The following PCDHGC4 variants were observed in gnomAD, a reference collection of about 807,000 sequenced individuals.
The protein encoded by PCDHGC4 is protocadherin gamma subfamily C, 4, also known as protocadherin gamma-C4.
In PCDHGC4, 15 loss-of-function variants were observed where a neutral mutation model predicts 59.7. That is an observed-to-expected ratio of 0.25 (90% CI 0.17 to 0.39). PCDHGC4 has a LOEUF of 0.39. PCDHGC4 is among the 10% of genes least tolerant of loss of function. The pLI is 1.00. For missense variants in PCDHGC4, 1,016 were observed against 1,189.5 expected (o/e 0.85, Z 2.15); for synonymous variants, 434 against 481.4 (o/e 0.90, Z 1.29).
chr5:141,507,872 C>T (rs2099864458), intron 3 of PCDHGC4, among the ~76,000 whole-genome samples: 1 of 152,168 alleles, frequency 6.6e-6, no homozygotes, highest in African/African-American at 2.4e-5. Flanking sequence ...GCTTCCTAGC[C>T]CTGAAACCAG....
In PCDHGC4 at chr5:141,495,640, G is replaced by A. The variant is rs149177775; in HGVS notation, c.2501+775G>A. 1.2e-3 allele frequency among the ~76,000 whole-genome samples: 177 copies of A among 152,150 alleles called. 1 individual carries two copies. The highest frequency in any genetic ancestry group is 4.1e-3 in the African/African-American group (171 of 41,498). ...ACCTCAGCCTCAGTCCCTTTCATTT[G>A]TCTACTTGCATTGATCTGTGCCGCC... On this transcript the variant is annotated intron_variant, in intron 2 of 3. Transcript: ENST00000306593.
Position 141,487,945 on chromosome 5 carries a change from G to A in PCDHGC4, c.2442+330G>A, listed in dbSNP as rs2099669554. ...CAGTGCACAGGGTACAGTGCACCAG[G>A]CAGTCACTTGGACAAAGGTGGCTGT... On this transcript the variant is annotated intron_variant, in intron 1 of 3. Transcript: ENST00000306593. This position sits in a 1 kb window ranked among gnomAD's most constrained non-coding sequence, Gnocchi z 5.0. Among the ~76,000 whole-genome samples the A allele has an allele frequency of 6.6e-6, 1 of 152,198 alleles. No individual in the cohort carries two copies. Among genetic ancestry groups the A allele is most frequent in the Non-Finnish European group, 1.5e-5 (1 of 68,036 alleles).
At chr5:141,510,863 A>G in intron 3 of PCDHGC4, 84 bp from the exon 4 acceptor site, 1 of 1,607,492 alleles carries the variant, frequency 6.2e-7, no homozygotes, top group African/African-American at 1.3e-5. Flanking sequence ...CTGTATAGGC[A>G]TTCATTAACT....
chr5:141,500,554 C>A (rs2099801320), intron 2 of PCDHGC4, among the ~76,000 whole-genome samples: 1 of 152,212 alleles, frequency 6.6e-6, no homozygotes, highest in Admixed American at 6.5e-5. Context: ...AAGTTGTTCA[C>A]AAACTTGTCA....
rs141514361 is a variant in PCDHGC4, at chr5:141,494,629, A to G, written c.2443-178A>G. 4,666 of 858,664 alleles carry G rather than the reference A, an allele frequency of 5.4e-3. 23 individuals are homozygous for G. Among genetic ancestry groups the G allele is most frequent in the Admixed American group, 0.011 (170 of 16,094 alleles). 53.2% of individuals were successfully genotyped at this position (858,664 alleles called of 1,614,324 possible). On this transcript the variant is annotated intron_variant, in intron 1 of 3. Coordinates refer to ENST00000306593, the MANE Select transcript of PCDHGC4 (RefSeq NM_018928.3). ...TATCTCTTGGTTTCTGGTACCTCAGACCTCTGAGACCTGAGGTGTATTTTG... is the reference window on the plus strand; with the variant it reads ...TATCTCTTGGTTTCTGGTACCTCAGGCCTCTGAGACCTGAGGTGTATTTTG...
In PCDHGC4 at chr5:141,490,658, T is replaced by A. The variant is rs776806248; in HGVS notation, c.2442+3043T>A. The A allele has an allele frequency of 8.1e-6, 13 of 1,614,204 alleles. No homozygotes were observed. The South Asian group carries it at 1.4e-4, about 18-fold the overall frequency. ...GAAAACCGGCCTCCGGGCTCCCTTC[T>A]TTGCACTGTGGCTGCCTCAGATCCA... On this transcript the variant is annotated intron_variant, in intron 1 of 3. Transcript: ENST00000306593. The surrounding 1 kb of genome is among the most constrained non-coding windows in gnomAD (Gnocchi z 5.4).
chr5:141,493,206 C>A lies in PCDHGC4; in HGVS notation c.2443-1601C>A, dbSNP rs191090598. Among the ~76,000 whole-genome samples the A allele has an allele frequency of 2.4e-3, 368 of 152,322 alleles. 2 individuals carry two copies. Among genetic ancestry groups the A allele is most frequent in the Admixed American group, 4.5e-3 (69 of 15,296 alleles). On this transcript the variant is annotated intron_variant, in intron 1 of 3. Transcript: ENST00000306593. This position sits in a 1 kb window ranked among gnomAD's most constrained non-coding sequence, Gnocchi z 4.3. ...TATAACTCCTTTGAGAACCTCATCT[C>A]ATTTGCTCTTCCCACCATTGCTGTT...
rs143168452 is a variant in PCDHGC4 at position 141,504,127 on chromosome 5, C to T, written c.2502-1266C>T. Among the ~76,000 whole-genome samples the T allele has an allele frequency of 1.3e-3, 195 of 152,220 alleles. 2 individuals carry two copies. The highest frequency in any genetic ancestry group is 4.4e-3 in the African/African-American group (181 of 41,520). On this transcript the variant is annotated intron_variant, in intron 2 of 3. Transcript: ENST00000306593. ...CTGTGTGTGTGCCAGGGCTGTTTCC[C>T]GCCAACACTCCCCTGCAAATTGAAA...
chr5:141,487,529 A>G lies in PCDHGC4; in HGVS notation c.2356A>G (p.Met786Val), dbSNP rs772843725. ...ASAPTRSDSF[M>V]MVKSPSAPMA... ...TGCACCCACTCGGAGTGATAGCTTCATGATGGTGAAGTCACCCAGTGCACC... is the reference window on the plus strand; with the variant it reads ...TGCACCCACTCGGAGTGATAGCTTCGTGATGGTGAAGTCACCCAGTGCACC... The change falls in exon 1 of 4, where the codon ATG becomes GTG. Residue 786 changes from methionine (M) to valine (V), a missense_variant. Met to Val is a conservative substitution (Grantham distance 21, BLOSUM62 1). Coordinates refer to ENST00000306593, the MANE Select transcript of PCDHGC4 (RefSeq NM_018928.3). The surrounding 1 kb of genome is among the most constrained non-coding windows in gnomAD (Gnocchi z 5.0). The G allele has an allele frequency of 2.0e-5, 32 of 1,614,168 alleles. No individual in the cohort carries two copies. Among genetic ancestry groups the G allele is most frequent in the Non-Finnish European group, 2.5e-5 (29 of 1,180,040 alleles).
Position 141,489,065 on chromosome 5 carries a change from C to T in PCDHGC4, c.2442+1450C>T, listed in dbSNP as rs558074504. On this transcript the variant is annotated intron_variant, in intron 1 of 3. Coordinates refer to ENST00000306593, the MANE Select transcript of PCDHGC4 (RefSeq NM_018928.3). This position sits in a 1 kb window ranked among gnomAD's most constrained non-coding sequence, Gnocchi z 4.5. ...CCACTCAAATTCAGCTCCCCTCCCC[C>T]CTGCCCACCCCCGCCACTCGGTGAC... 3.3e-5 allele frequency: 13 copies of T among 388,932 alleles called. 1 individual carries two copies. Among genetic ancestry groups the T allele is most frequent in the African/African-American group, 8.5e-5 (4 of 47,158 alleles). 24.1% of individuals were successfully genotyped at this position (388,932 alleles called of 1,614,324 possible).
intron 3 of PCDHGC4, among the ~76,000 whole-genome samples, chr5:141,509,732 C>T (rs931066969): frequency 3.9e-5 from 6 of 152,182 alleles, no homozygotes; most frequent in Non-Finnish European, 5.9e-5. Flanking sequence ...CTAGCTGTGG[C>T]ACTCTGAGCC....
chr5:141,489,165 G>T lies in PCDHGC4; in HGVS notation c.2442+1550G>T. ...GAAGGAGACATAAGAGACTTCAGCT[G>T]CTGCATTCCAAGCCCTGGGTCTACC... On this transcript the variant is annotated intron_variant, in intron 1 of 3. Coordinates refer to ENST00000306593, the MANE Select transcript of PCDHGC4 (RefSeq NM_018928.3). This position sits in a 1 kb window ranked among gnomAD's most constrained non-coding sequence, Gnocchi z 4.5. 9.2e-7 allele frequency: 1 copy of T among 1,082,084 alleles called. No homozygotes were observed. Among genetic ancestry groups the T allele is most frequent in the Non-Finnish European group, 1.3e-6 (1 of 745,856 alleles). 67.0% of individuals were successfully genotyped at this position (1,082,084 alleles called of 1,614,324 possible).
chr5:141,497,239 G>A (rs2099775226), intron 2 of PCDHGC4, among the ~76,000 whole-genome samples: 1 of 152,104 alleles, frequency 6.6e-6, no homozygotes, highest in Admixed American at 6.5e-5. Flanking sequence ...AAGGCTTCTA[G>A]GAGGAGGTGA....
Position 141,487,665 on chromosome 5 carries a change from G to T in PCDHGC4, c.2442+50G>T, listed in dbSNP as rs373971935. 8.7e-5 allele frequency: 141 copies of T among 1,612,724 alleles called. No individual in the cohort carries two copies. The highest frequency in any genetic ancestry group is 1.1e-4 in the Non-Finnish European group (135 of 1,179,392). On this transcript the variant is annotated intron_variant, in intron 1 of 3. Coordinates refer to ENST00000306593, the MANE Select transcript of PCDHGC4 (RefSeq NM_018928.3). The surrounding 1 kb of genome is among the most constrained non-coding windows in gnomAD (Gnocchi z 5.0). ...ATGCTTGAGGGTTATTCTGATCCAG[G>T]CATATGGCTAGGCCATGTCCTAGAG...
intron 2 of PCDHGC4, among the ~76,000 whole-genome samples, chr5:141,501,333 A>ACACC (rs1186649373): frequency 5.5e-4 from 77 of 140,128 alleles, no homozygotes; most frequent in African/African-American, 6.0e-4. Context: ...ACACACACAC[A>ACACC]CCCCAAACTC....
Position 141,485,331 on chromosome 5 carries a change from T to C in PCDHGC4, c.158T>C (p.Leu53Pro), listed in dbSNP as rs1203054851. The change falls in exon 1 of 4, where the codon CTG becomes CCG. Residue 53 changes from leucine (L) to proline (P), a missense_variant. Transcript: ENST00000306593. This position sits in a 1 kb window ranked among gnomAD's most constrained non-coding sequence, Gnocchi z 5.7. ...TFVGNVAQDF[L>P]LDTDSLSARR... Reference sequence around the variant, plus strand: ...GTAGGGAATGTCGCTCAAGATTTCCTGCTGGATACGGACAGTCTGTCAGCT... The same window carrying C: ...GTAGGGAATGTCGCTCAAGATTTCCCGCTGGATACGGACAGTCTGTCAGCT... 6.2e-7 allele frequency: 1 copy of C among 1,614,048 alleles called. No individual in the cohort carries two copies. Among genetic ancestry groups the C allele is most frequent in the African/African-American group, 1.3e-5 (1 of 74,902 alleles).
At chr5:141,502,932 C>T (rs1039438031) in intron 2 of PCDHGC4, among the ~76,000 whole-genome samples, 2 of 143,766 alleles carry the variant, frequency 1.4e-5, no homozygotes, top group African/African-American at 5.3e-5. Context: ...CAACCTTCAC[C>T]TCCTGGGTTC....
chr5:141,505,381 C>T lies in PCDHGC4; in HGVS notation c.2502-12C>T. On this transcript the variant is annotated splice_polypyrimidine_tract_variant and intron_variant, in intron 2 of 3. Transcript: ENST00000306593. Reference sequence around the variant, plus strand: ...CTGGGAGTCTGTGCTCACCATCCTACTCTCTCCCCAGCTCCCAAAATGGCG... The same window carrying T: ...CTGGGAGTCTGTGCTCACCATCCTATTCTCTCCCCAGCTCCCAAAATGGCG... 1 of 1,614,064 alleles carries T rather than the reference C, an allele frequency of 6.2e-7. No homozygotes were observed.
In PCDHGC4 at chr5:141,485,186, G is replaced by T; in HGVS notation, c.13G>T (p.Val5Leu). MLRK[V>L]RSWTEIWRWA... ...GCGGGCGGCAGCAATGCTCCGCAAG[G>T]TGAGAAGCTGGACAGAAATCTGGCG... The change falls in exon 1 of 4, where the codon GTG (valine) becomes TTG (leucine). Residue 5 changes from valine to leucine, a missense_variant. Coordinates refer to ENST00000306593, the MANE Select transcript of PCDHGC4 (RefSeq NM_018928.3). This position sits in a 1 kb window ranked among gnomAD's most constrained non-coding sequence, Gnocchi z 5.7. 1 of 1,613,706 alleles carries T rather than the reference G, an allele frequency of 6.2e-7. No individual in the cohort carries two copies. The highest frequency in any genetic ancestry group is 8.5e-7 in the Non-Finnish European group (1 of 1,179,644).
Sources: gnomAD v4.1 joint callset for allele counts (sites outside exome capture counted in the v4.1 genomes callset) on GRCh38, gnomAD v4.1.1 for gene constraint, Gnocchi (gnomAD v3.1) non-coding constraint, MANE v1.5 for transcripts, NCBI Gene and HGNC (gene_info 2026-07-23, HGNC 2026-07-21) for gene names.